Variants in GRAMD1C observed in about 807,000 individuals in gnomAD.
The protein encoded by GRAMD1C is GRAM domain containing 1C.
A neutral mutation model predicts 97.8 loss-of-function variants in GRAMD1C; 89 were observed. The ratio of observed to expected loss-of-function variants is 0.91; its 90% CI spans 0.77 to 1.09. The LOEUF (loss-of-function observed/expected upper bound fraction) is 1.09. GRAMD1C is among the 50% of genes least tolerant of loss of function. The pLI is 0.00. For missense variants in GRAMD1C, 740 were observed against 766.4 expected (o/e 0.97, Z 0.41); for synonymous variants, 256 against 267.0 (o/e 0.96, Z 0.40).
chr3:113,847,889 A>T (rs1411209949), intron 2 of GRAMD1C, among the ~76,000 whole-genome samples: 1 of 152,240 alleles, frequency 6.6e-6, no homozygotes, highest in Admixed American at 6.5e-5. Context: ...TTCATAAGGC[A>T]CATGACCTGG....
chr3:113,839,061 T>A, intron 1 of GRAMD1C, 125 bp downstream of exon 1: 1 of 608,572 alleles, frequency 1.6e-6, no homozygotes, highest in Non-Finnish European at 2.4e-6. Flanking sequence ...TCGTGCTCTT[T>A]GGAGTAATAC....
chr3:113,943,807 G>C (rs1040968580), intron 17 of GRAMD1C, among the ~76,000 whole-genome samples: 1 of 152,104 alleles, frequency 6.6e-6, no homozygotes, highest in Admixed American at 6.5e-5. Context: ...CCAGCTACTC[G>C]GGAGGCTGAG....
chr3:113,872,917 CAA>C (rs1173058062), intron 3 of GRAMD1C, among the ~76,000 whole-genome samples: 14 of 64,384 alleles, frequency 2.2e-4, no homozygotes, highest in East Asian at 3.7e-4. Context: ...ACTAAAAATA[CAA>C]AAAAAAAAAA....
intron 9 of GRAMD1C, among the ~76,000 whole-genome samples, chr3:113,910,360 G>C (rs986736624): frequency 1.3e-5 from 2 of 152,328 alleles, no homozygotes; most frequent in East Asian, 3.9e-4. Context: ...TCCAGCCTGG[G>C]TGACAGTGTG....
chr3:113,933,489 A>G (rs1348463460), intron 11 of GRAMD1C, 22 bp from the exon 12 acceptor site: 1 of 1,586,042 alleles, frequency 6.3e-7, no homozygotes, highest in Non-Finnish European at 8.7e-7. Context: ...ACATACAAAC[A>G]TTTTTTATCT....
In GRAMD1C at chr3:113,844,599, A is replaced by G; in HGVS notation, c.124A>G (p.Lys42Glu). The change falls in exon 2 of 18, where the codon AAA (lysine) becomes GAA (glutamate). Residue 42 changes from lysine (K) to glutamate (E), a missense_variant. Physicochemically the swap from Lys to Glu is moderately conservative, Grantham distance 56. Transcript: ENST00000358160. ...TGTGGAAGAGAATAATGTGGTAGTT[A>G]AAAAACAGGGGCCAAATTTACATAA... ...PTVEENNVVVKKQGPNLHNWS... is the reference protein window; with the variant it reads ...PTVEENNVVVEKQGPNLHNWS... 6.2e-7 allele frequency: 1 copy of G among 1,606,008 alleles called. No homozygotes were observed.
chr3:113,930,658 A>C, intron 10 of GRAMD1C, 56 bp from the exon 11 acceptor site: 1 of 890,718 alleles, frequency 1.1e-6, no homozygotes, highest in Non-Finnish European at 1.9e-6. Context: ...GATTTCATTT[A>C]ATGTCATACT....
At chr3:113,831,005 C>T (rs890945308) in intron 1 of GRAMD1C, among the ~76,000 whole-genome samples, 1 of 152,194 alleles carries the variant, frequency 6.6e-6, no homozygotes, top group Non-Finnish European at 1.5e-5. Context: ...AGGAGAATTG[C>T]TTGAACCCAA....
chr3:113,860,054 C>G, intron 2 of GRAMD1C, among the ~76,000 whole-genome samples: 1 of 152,020 alleles, frequency 6.6e-6, no homozygotes, highest in East Asian at 1.9e-4. Context: ...TGGAGGCTTG[C>G]TCTGTCACCC....
At chr3:113,920,012 C>T (rs1936977350) in intron 10 of GRAMD1C, 1 of 735,092 alleles carries the variant, frequency 1.4e-6, no homozygotes, top group Non-Finnish European at 2.4e-6. Flanking sequence ...AGATGTGAAC[C>T]AAAAAGTTTC....
In GRAMD1C at chr3:113,838,886, G is replaced by T; in HGVS notation, c.-24G>T. On this transcript the variant is annotated 5_prime_UTR_variant, in exon 1 of 18. Transcript: ENST00000358160. ...TGCGGTGCGGTGCGCGCGGGGCGGT[G>T]CCGCGGCGGCGGAGGGAGCCGCGAT... is the stretch of plus-strand genomic sequence containing the variant. 3.2e-6 allele frequency: 4 copies of T among 1,231,032 alleles called. No homozygotes were observed. Among genetic ancestry groups the T allele is most frequent in the South Asian group, 4.1e-5 (1 of 24,390 alleles). 76.3% of individuals were successfully genotyped at this position (1,231,032 alleles called of 1,614,324 possible).
intron 10 of GRAMD1C, among the ~76,000 whole-genome samples, chr3:113,922,309 G>A (rs1002763116): frequency 5.9e-5 from 9 of 152,156 alleles, no homozygotes; most frequent in Non-Finnish European, 1.0e-4. Flanking sequence ...CTGAGCTCAA[G>A]CAATCTGCCT....
intron 10 of GRAMD1C, among the ~76,000 whole-genome samples, chr3:113,922,211 A>G (rs1051732369): frequency 2.0e-5 from 3 of 151,918 alleles, no homozygotes; most frequent in Non-Finnish European, 4.4e-5. Flanking sequence ...AGCTGGGACT[A>G]CAGGTGCACA....
At chr3:113,907,399 A>G (rs1324061745) in intron 8 of GRAMD1C, among the ~76,000 whole-genome samples, 2 of 152,220 alleles carry the variant, frequency 1.3e-5, no homozygotes, top group African/African-American at 4.8e-5. Context: ...GTGACTTACT[A>G]CTGGTGCAAG....
chr3:113,886,703 AGAAAT>A (rs1364684761), intron 6 of GRAMD1C, among the ~76,000 whole-genome samples: 2 of 152,094 alleles, frequency 1.3e-5, no homozygotes, highest in Non-Finnish European at 2.9e-5. Context: ...AGATTATAAC[AGAAAT>A]GAATGAAGTA....
At chr3:113,906,219 A>G (rs953491456) in intron 8 of GRAMD1C, among the ~76,000 whole-genome samples, 12 of 152,328 alleles carry the variant, frequency 7.9e-5, no homozygotes, top group Admixed American at 3.9e-4. Context: ...TTCTACTTCT[A>G]TATACAAAAA....
rs1379754348 is a variant in GRAMD1C, at chr3:113,913,461, AAAAG to A, written c.953-2236_953-2233del. 6.6e-5 allele frequency among the ~76,000 whole-genome samples: 10 copies of A among 151,444 alleles called. No individual in the cohort carries two copies. In the East Asian group the frequency reaches 1.9e-3, roughly 29 times the overall value. ...AAAAAAAAAAAAAAAAGAATCCTATAAAAGAAACATTATAAGTTGCATAAAGGAT... is the reference window on the plus strand; with the variant it reads ...AAAAAAAAAAAAAAAAGAATCCTATAAAACATTATAAGTTGCATAAAGGAT... On this transcript the variant is annotated intron_variant, in intron 9 of 17. Coordinates refer to ENST00000358160, the MANE Select transcript of GRAMD1C (RefSeq NM_017577.5).
Position 113,947,017 on chromosome 3 carries a change from G to A in GRAMD1C, c.*1539G>A, listed in dbSNP as rs1360755020. The A allele has an allele frequency of 6.6e-6, 1 of 152,198 alleles. No individual in the cohort carries two copies. The highest frequency in any genetic ancestry group is 1.5e-5 in the Non-Finnish European group (1 of 68,034). 9.4% of individuals were successfully genotyped at this position (152,198 alleles called of 1,614,324 possible). ...GATCGACAAACAATATTTTTGTGATGTTTATTTAAACGTTGTATTTTATAA... is the reference window on the plus strand; with the variant it reads ...GATCGACAAACAATATTTTTGTGATATTTATTTAAACGTTGTATTTTATAA... On this transcript the variant is annotated 3_prime_UTR_variant, in exon 18 of 18. Coordinates refer to ENST00000358160, the MANE Select transcript of GRAMD1C (RefSeq NM_017577.5).
chr3:113,903,534 T>C (rs1936250821), intron 7 of GRAMD1C, among the ~76,000 whole-genome samples: 1 of 152,202 alleles, frequency 6.6e-6, no homozygotes, highest in Non-Finnish European at 1.5e-5. Flanking sequence ...TAGGTTTTCC[T>C]TTCTTTTTGC....
Sources: gnomAD v4.1 joint callset for allele counts (sites outside exome capture counted in the v4.1 genomes callset) on GRCh38, gnomAD v4.1.1 for gene constraint, MANE v1.5 for transcripts, NCBI Gene and HGNC (gene_info 2026-07-23, HGNC 2026-07-21) for gene names.